ZDHHC11: variants seen among roughly 807,000 people sequenced by gnomAD.
The protein encoded by ZDHHC11 is zDHHC palmitoyltransferase 11.
Under a neutral mutation model 51.3 loss-of-function variants are expected in ZDHHC11, and 44 were observed. The ratio of observed to expected loss-of-function variants is 0.86; its 90% CI spans 0.67 to 1.10. The LOEUF (loss-of-function observed/expected upper bound fraction) is 1.10, where lower values mean the gene tolerates loss of function less well. Ranked by LOEUF, ZDHHC11 falls within the 50% of genes least tolerant of loss-of-function variation. The pLI, the probability that ZDHHC11 is intolerant of heterozygous loss-of-function variation, is 0.00. For synonymous variants in ZDHHC11, 163 were observed against 222.0 expected (o/e 0.73, Z 2.36); for missense variants, 400 against 537.7 (o/e 0.74, Z 2.53).
At chr5:837,162 C>T (rs12658347) in intron 6 of ZDHHC11, among the ~76,000 whole-genome samples, 7 of 151,078 alleles carry the variant, frequency 4.6e-5, no homozygotes, top group South Asian at 2.1e-4. Context: ...CTAGGAAGTC[C>T]GTGGTGCATG....
At chr5:854,958 G>A (rs112748849), upstream of ZDHHC11, among the ~76,000 whole-genome samples, 2,678 of 142,854 alleles carry the variant, frequency 0.019, 78 homozygotes, top group African/African-American at 0.066. Context: ...ACAGTGAGCC[G>A]GGGGGCACAG....
intron 9 of ZDHHC11, among the ~76,000 whole-genome samples, chr5:820,616 GGA>G (rs1236234191): frequency 6.6e-6 from 1 of 151,098 alleles, no homozygotes; most frequent in Non-Finnish European, 1.5e-5. Flanking sequence ...TGGCCATGGT[GGA>G]GACTCTGACT....
At position 819,647 on chromosome 5, in the gene ZDHHC11, C is replaced by T. The variant is rs375968328; in HGVS notation, c.1059-35G>A. 5.0e-6 allele frequency: 8 copies of T among 1,598,848 alleles called. 1 individual carries two copies. The highest frequency in any genetic ancestry group is 1.3e-5 in the African/African-American group (1 of 74,614). On this transcript the variant is annotated intron_variant, in intron 9 of 12. Coordinates refer to ENST00000283441, the MANE Select transcript of ZDHHC11 (RefSeq NM_024786.3). ...CAAACAGAAGGAAAGAAACACACCA[C>T]AGTTTTGTAGGGCGCTCAGGATGGC...
In ZDHHC11 at chr5:804,950, T is replaced by A. The variant is rs188229875; in HGVS notation, c.1182-3786A>T. ...TTGGCAAAAAAATAAAGAACACAGGTAAATATACAAGTCAATAATATTGTA... is the reference window on the plus strand; with the variant it reads ...TTGGCAAAAAAATAAAGAACACAGGAAAATATACAAGTCAATAATATTGTA... On this transcript the variant is annotated intron_variant, in intron 11 of 12. Coordinates refer to ENST00000283441, the MANE Select transcript of ZDHHC11 (RefSeq NM_024786.3). Among the ~76,000 whole-genome samples the A allele has an allele frequency of 1.1e-3, 164 of 151,424 alleles. 5 individuals are homozygous for A. The highest frequency in any genetic ancestry group is 1.5e-4 in the Non-Finnish European group (10 of 67,710).
intron 12 of ZDHHC11, among the ~76,000 whole-genome samples, chr5:799,930 T>C (rs1738171195): frequency 6.6e-6 from 1 of 151,454 alleles, no homozygotes; most frequent in Admixed American, 6.6e-5. Context: ...TGATTTTGAC[T>C]CCTGCCTCAT....
intron 11 of ZDHHC11, among the ~76,000 whole-genome samples, chr5:804,960 A>T (rs1323377700): frequency 1.3e-5 from 2 of 151,498 alleles, no homozygotes; most frequent in African/African-American, 2.4e-5. Context: ...TAAATATACA[A>T]GTCAATAATA....
At chr5:803,020 C>CA (rs70957307) in intron 11 of ZDHHC11, among the ~76,000 whole-genome samples, 37,087 of 137,512 alleles carry the variant, frequency 0.27, 4,983 homozygotes, top group African/African-American at 0.4. Context: ...GACTCTATCT[C>CA]AAAAAAAAAA....
chr5:857,690 CAT>C (rs1370845254), intron 1 of ZDHHC11, among the ~76,000 whole-genome samples: 6 of 151,276 alleles, frequency 4.0e-5, no homozygotes, highest in East Asian at 2.0e-4. Flanking sequence ...GTCCAGGTCC[CAT>C]CCCTGTCTTT....
At chr5:822,524 A>G (rs528405017) in intron 8 of ZDHHC11, among the ~76,000 whole-genome samples, 1 of 139,748 alleles carries the variant, frequency 7.2e-6, no homozygotes, top group South Asian at 2.2e-4. Flanking sequence ...TGGGAGTGGG[A>G]GTGCTGGCTC....
At position 819,661 on chromosome 5, in the gene ZDHHC11, G is replaced by A. The variant is rs368596111; in HGVS notation, c.1059-49C>T. 5.5e-5 allele frequency: 87 copies of A among 1,570,294 alleles called. 2 individuals are homozygous for A. The highest frequency in any genetic ancestry group is 1.9e-4 in the African/African-American group (14 of 74,298). ...GAAACACACCACAGTTTTGTAGGGC[G>A]CTCAGGATGGCACTGGAGGCTACAG... On this transcript the variant is annotated intron_variant, in intron 9 of 12. Coordinates refer to ENST00000283441, the MANE Select transcript of ZDHHC11 (RefSeq NM_024786.3).
chr5:802,908 T>G (rs3935707), intron 11 of ZDHHC11, among the ~76,000 whole-genome samples: 10,716 of 119,672 alleles, frequency 0.09, 1,465 homozygotes, highest in African/African-American at 0.29. Context: ...GTAGTCCCAG[T>G]TACTTGGGAG....
At chr5:821,804 G>A (rs916349751) in intron 9 of ZDHHC11, 57 bp downstream of exon 9, 16 of 1,458,072 alleles carry the variant, frequency 1.1e-5, no homozygotes, top group African/African-American at 9.7e-5. Flanking sequence ...GAGATGAGAC[G>A]AGTGTATAAC....
intron 1 of ZDHHC11, among the ~76,000 whole-genome samples, chr5:858,499 C>T (rs1415845337): frequency 2.6e-5 from 4 of 152,212 alleles, no homozygotes; most frequent in South Asian, 2.1e-4. Context: ...CCTCTTCATC[C>T]CTGTCCTTCC....
At chr5:833,715 A>G (rs1743366539) in intron 7 of ZDHHC11, 58 bp downstream of exon 7, 3 of 900,876 alleles carry the variant, frequency 3.3e-6, no homozygotes, top group Non-Finnish European at 5.2e-6. Flanking sequence ...TTGAGTTAAG[A>G]AAAGAATACA....
At position 841,268 on chromosome 5, in the gene ZDHHC11, G is replaced by A. The variant is rs1326998094; in HGVS notation, c.629-618C>T. On this transcript the variant is annotated intron_variant, in intron 4 of 12. Coordinates refer to ENST00000283441, the MANE Select transcript of ZDHHC11 (RefSeq NM_024786.3). ...AGCACCCATCCTTTCCTAAGTGCCAGGGCCCCAGCACCCACCCCTTCCTTA... is the reference window on the plus strand; with the variant it reads ...AGCACCCATCCTTTCCTAAGTGCCAAGGCCCCAGCACCCACCCCTTCCTTA... 8.6e-5 allele frequency: 87 copies of A among 1,013,352 alleles called. No homozygotes were observed. In the African/African-American group the frequency reaches 1.5e-3, roughly 18 times the overall value. The allele number at this position is 1,013,352 out of a possible 1,614,324, so 62.8% of individuals were successfully genotyped here.
At position 850,579 on chromosome 5, in the gene ZDHHC11, C is replaced by G; in HGVS notation, c.24G>C (p.Gln8His). MDTRSGS[Q>H]CSVTPEAILN... ...GTATGGCTTCTGGGGTGACGGAACA[C>G]TGGCTCCCGGAGCGGGTGTCCATCT... The change falls in exon 1 of 13, where the codon CAG becomes CAC. Residue 8 changes from glutamine (Q) to histidine (H), a missense_variant. Around this residue, in one of 5 missense-constraint regions of ZDHHC11, gnomAD observed 119 missense variants for 99.6 expected, o/e 1.20. Transcript: ENST00000283441. The G allele has an allele frequency of 6.2e-7, 1 of 1,613,464 alleles. No individual in the cohort carries two copies. The highest frequency in any genetic ancestry group is 8.5e-7 in the Non-Finnish European group (1 of 1,180,006).
At chr5:818,544 C>T (rs1579612485) in intron 10 of ZDHHC11, among the ~76,000 whole-genome samples, 1 of 151,646 alleles carries the variant, frequency 6.6e-6, no homozygotes, top group Non-Finnish European at 1.5e-5. Flanking sequence ...AAGCTGGCCG[C>T]CTCACAAAGC....
chr5:839,197 T>G (rs62332114), intron 5 of ZDHHC11, among the ~76,000 whole-genome samples: 3,287 of 56,504 alleles, frequency 0.058, 18 homozygotes, highest in Middle Eastern at 0.12. Context: ...TAGAAAGTAC[T>G]TTTAAAAATA....
chr5:846,804 C>G (rs1425092160), intron 3 of ZDHHC11, among the ~76,000 whole-genome samples: 1 of 146,076 alleles, frequency 6.8e-6, no homozygotes, highest in African/African-American at 2.6e-5. Context: ...CCACCGTGCT[C>G]AGGGGAAACA....
Sources: allele counts gnomAD v4.1 joint callset (sites outside exome capture counted in the v4.1 genomes callset), GRCh38; gene constraint gnomAD v4.1.1; regional missense constraint gnomAD v4.1.1; transcripts MANE v1.5; gene names NCBI Gene and HGNC (gene_info 2026-07-23, HGNC 2026-07-21).